Variants in DPP3 observed in about 807,000 individuals in gnomAD.
The protein encoded by DPP3 is DPP III.
A neutral mutation model predicts 89.8 loss-of-function variants in DPP3; 64 were observed. The ratio of observed to expected loss-of-function variants is 0.71; its 90% CI spans 0.58 to 0.88. DPP3 has a LOEUF of 0.88. Ranked by LOEUF, DPP3 falls within the 40% of genes least tolerant of loss-of-function variation. The probability of loss-of-function intolerance (pLI) is 0.00; values close to 1 mark genes in which losing one functional copy is unlikely to be tolerated. For synonymous variants in DPP3, 377 were observed against 404.3 expected (o/e 0.93, Z 0.81); for missense variants, 835 against 972.5 (o/e 0.86, Z 1.88).
intron 16 of DPP3, among the ~76,000 whole-genome samples, chr11:66,502,392 C>T (rs1855700371): frequency 6.6e-6 from 1 of 151,722 alleles, no homozygotes; most frequent in Non-Finnish European, 1.5e-5. Context: ...ATTGCAGCCT[C>T]TGCCTCCCGA....
intron 6 of DPP3, 52 bp from the exon 7 acceptor site, chr11:66,491,201 G>A: frequency 3.7e-6 from 6 of 1,609,018 alleles, no homozygotes; most frequent in South Asian, 1.1e-5. Flanking sequence ...TTTTCTCTGA[G>A]TGAGGCCTCT....
chr11:66,493,111 G>A lies in DPP3; in HGVS notation c.1228G>A (p.Gly410Arg). ...QTEGFKNVSL[G>R]NVLAVAYATQ... ...GGAAGGCTTTAAGAACGTGTCGCTG[G>A]GGAATGTGCTGGCTGTGGCCTACGC... The change falls in exon 11 of 18, where the codon GGG (glycine) becomes AGG (arginine). Residue 410 changes from glycine (G) to arginine (R), a missense_variant. Physicochemically the swap from Gly to Arg is moderately radical, Grantham distance 125. Transcript: ENST00000531863. 1 of 1,614,182 alleles carries A rather than the reference G, an allele frequency of 6.2e-7. No homozygotes were observed. The highest frequency in any genetic ancestry group is 8.5e-7 in the Non-Finnish European group (1 of 1,180,048).
At chr11:66,497,151 G>T (rs1285100654) in intron 15 of DPP3, 147 bp from the exon 16 acceptor site, 1 of 987,454 alleles carries the variant, frequency 1.0e-6, no homozygotes. Flanking sequence ...GACCCGCAGG[G>T]TTGGGGAGAA....
At chr11:66,495,597 G>A in intron 14 of DPP3, 33 bp from the exon 15 acceptor site, 3 of 1,614,004 alleles carry the variant, frequency 1.9e-6, no homozygotes, top group South Asian at 1.1e-5. Flanking sequence ...GGCAGCCTCT[G>A]ACCATCCTGC....
chr11:66,483,650 G>A (rs1353116109), intron 2 of DPP3, among the ~76,000 whole-genome samples: 1 of 152,154 alleles, frequency 6.6e-6, no homozygotes, highest in Non-Finnish European at 1.5e-5. Flanking sequence ...GCACACATGT[G>A]AGGAGGATCT....
chr11:66,489,145 C>T (rs976126396), intron 6 of DPP3, among the ~76,000 whole-genome samples: 2 of 152,174 alleles, frequency 1.3e-5, no homozygotes, highest in Admixed American at 6.5e-5. Flanking sequence ...GGATTATAGG[C>T]GTGAGCCACC....
At position 66,495,461 on chromosome 11, in the gene DPP3, T is replaced by C. The variant is rs750343074; in HGVS notation, c.1549T>C (p.Tyr517His). Residue 517 changes from tyrosine (Y) to histidine (H), a missense_variant, in exon 14 of 18, where the codon TAC becomes CAC. Physicochemically the swap from Tyr to His is moderately conservative, Grantham distance 83. Transcript: ENST00000531863. The stretch of plus-strand genomic sequence containing the variant: ...GTGCCGGGCTGAGAGCGTGGGTCTC[T>C]ACCTCTGTCTCCACCCGCAAGTGCT... ...EECRAESVGL[Y>H]LCLHPQVLEI... The C allele has an allele frequency of 6.2e-7, 1 of 1,612,044 alleles. No individual in the cohort carries two copies. Among genetic ancestry groups the C allele is most frequent in the Non-Finnish European group, 8.5e-7 (1 of 1,179,030 alleles).
At position 66,506,044 on chromosome 11, in the gene DPP3, G is replaced by A. The variant is rs377525882; in HGVS notation, c.2041+1270G>A. Among the ~76,000 whole-genome samples, 204 of 152,234 alleles carry A rather than the reference G, an allele frequency of 1.3e-3. 2 individuals carry two copies. In the Middle Eastern group the frequency reaches 0.031, roughly 23 times the overall value. Reference sequence around the variant, plus strand: ...GGCTCATTGCAACCTCCGCCTCTGGGTTCAAGCGATTCTCCTGCCCCAGTC... The same window carrying A: ...GGCTCATTGCAACCTCCGCCTCTGGATTCAAGCGATTCTCCTGCCCCAGTC... On this transcript the variant is annotated intron_variant, in intron 17 of 17. Coordinates refer to ENST00000531863, the MANE Select transcript of DPP3 (RefSeq NM_130443.4).
intron 1 of DPP3, 37 bp downstream of exon 1, chr11:66,480,502 T>C: frequency 8.8e-6 from 13 of 1,474,146 alleles, no homozygotes; most frequent in Non-Finnish European, 1.1e-5. Flanking sequence ...GGTCAAAGCG[T>C]GTCATCCCGG....
chr11:66,501,141 C>T (rs927965454), intron 16 of DPP3, among the ~76,000 whole-genome samples: 11 of 150,992 alleles, frequency 7.3e-5, no homozygotes, highest in Non-Finnish European at 1.3e-4. Context: ...GAGCCAAGAT[C>T]GTGCCACTGA....
intron 16 of DPP3, among the ~76,000 whole-genome samples, chr11:66,500,803 C>T (rs1221930705): frequency 6.6e-6 from 1 of 152,188 alleles, no homozygotes; most frequent in East Asian, 1.9e-4. Flanking sequence ...CGCCTGTAAT[C>T]CCAGCACTAT....
intron 5 of DPP3, 53 bp from the exon 6 acceptor site, chr11:66,487,861 C>A: frequency 6.4e-7 from 1 of 1,553,552 alleles, no homozygotes; most frequent in Non-Finnish European, 8.8e-7. Context: ...CTTCCTCCCA[C>A]CCCACTGCCC....
At chr11:66,486,235 G>A (rs931444050) in intron 3 of DPP3, among the ~76,000 whole-genome samples, 1 of 152,050 alleles carries the variant, frequency 6.6e-6, no homozygotes, top group Non-Finnish European at 1.5e-5. Context: ...GAGCCACTGC[G>A]TCTGGCCTAA....
chr11:66,493,047 TCCTTCTCCA>T lies in DPP3; in HGVS notation c.1184-10_1184-2del, dbSNP rs1299969245. On this transcript the variant is annotated splice_polypyrimidine_tract_variant and intron_variant, in intron 10 of 17. Transcript: ENST00000531863. ...TTTGACCCTCACCTCTTCTTTCTGG[TCCTTCTCCA>T]CCTTCTCCAGACGATGATCTGAGGC... 1.2e-6 allele frequency: 2 copies of T among 1,613,752 alleles called. No homozygotes were observed. Among genetic ancestry groups the T allele is most frequent in the Non-Finnish European group, 1.7e-6 (2 of 1,179,774 alleles).
In DPP3 at chr11:66,486,555, G is replaced by C. The variant is rs1855233156; in HGVS notation, c.376G>C (p.Val126Leu). The change falls in exon 4 of 18, where the codon GTG becomes CTG. Residue 126 changes from valine to leucine, a missense_variant. Physicochemically the swap from Val to Leu is conservative, Grantham distance 32. Transcript: ENST00000531863. ...PNLPKEKLER[V>L]ILGSEAAQQH... ...TTCCTTGCAGGAAAAGCTGGAACGG[G>C]TGATCCTAGGGAGTGAGGCTGCTCA... The C allele has an allele frequency of 1.3e-6, 2 of 1,525,104 alleles. No individual in the cohort carries two copies. The highest frequency in any genetic ancestry group is 1.8e-6 in the Non-Finnish European group (2 of 1,136,140). 94.5% of individuals were successfully genotyped at this position (1,525,104 alleles called of 1,614,324 possible). A position where few individuals can be genotyped will look rare whatever the true frequency, so the allele number is the denominator to read the frequency against.
chr11:66,488,754 G>A lies in DPP3; in HGVS notation c.667+747G>A, dbSNP rs1244587549. Among the ~76,000 whole-genome samples the A allele has an allele frequency of 3.9e-5, 6 of 152,148 alleles. No homozygotes were observed. The South Asian group carries it at 1.0e-3, about 26-fold the overall frequency. On this transcript the variant is annotated intron_variant, in intron 6 of 17. Transcript: ENST00000531863. ...CCACCTGGCTCTTTGTTCCCCACTC[G>A]CACCCCAGCCCCTGCTTCATCTCCA...
intron 17 of DPP3, among the ~76,000 whole-genome samples, chr11:66,506,036 G>A (rs900613958): frequency 6.6e-6 from 1 of 151,958 alleles, no homozygotes; most frequent in African/African-American, 2.4e-5. Flanking sequence ...TGCAACCTCC[G>A]CCTCTGGGTT....
At chr11:66,499,116 AC>A (rs1374077949) in intron 16 of DPP3, among the ~76,000 whole-genome samples, 1 of 152,052 alleles carries the variant, frequency 6.6e-6, no homozygotes, top group Non-Finnish European at 1.5e-5. Context: ...TAATCCCGGC[AC>A]TCTGGGAGGC....
intron 15 of DPP3, 151 bp from the exon 16 acceptor site, chr11:66,497,146 GC>G: frequency 1.1e-6 from 1 of 932,402 alleles, no homozygotes; most frequent in Non-Finnish European, 1.6e-6. Context: ...AAAAGGACCC[GC>G]AGGGTTGGGG....
Sources: allele counts gnomAD v4.1 joint callset (sites outside exome capture counted in the v4.1 genomes callset), GRCh38; gene constraint gnomAD v4.1.1; transcripts MANE v1.5; gene names NCBI Gene and HGNC (gene_info 2026-07-23, HGNC 2026-07-21).